KCNIP4: variants seen among roughly 807,000 people sequenced by gnomAD.
KCNIP4 encodes the protein potassium voltage-gated channel interacting protein 4, also known as Kv channel-interacting protein 4.
A neutral mutation model predicts 34.0 loss-of-function variants in KCNIP4; 12 were observed. The observed-to-expected ratio is 0.35, with a 90% CI of 0.23 to 0.57. The LOEUF (loss-of-function observed/expected upper bound fraction) is 0.57, where lower values mean the gene tolerates loss of function less well. Ranked by LOEUF, KCNIP4 falls within the 20% of genes least tolerant of loss-of-function variation. The probability of loss-of-function intolerance (pLI) is 0.83; values close to 1 mark genes in which losing one functional copy is unlikely to be tolerated. For synonymous variants in KCNIP4, 124 were observed against 102.2 expected, an observed-to-expected ratio of 1.21 and a Z score of -1.29; for missense variants, 238 against 311.7, an observed-to-expected ratio of 0.76 and a Z score of 1.78.
At chr4:20,913,249 AAAAAT>A (rs1337412541) in intron 1 of KCNIP4, among the ~76,000 whole-genome samples, 1 of 152,152 alleles carries the variant, frequency 6.6e-6, no homozygotes, top group African/African-American at 2.4e-5. Flanking sequence ...CAAAAAAATA[AAAAAT>A]AAAATAAAAT....
intron 1 of KCNIP4, among the ~76,000 whole-genome samples, chr4:21,653,031 T>C (rs1386744856): frequency 6.6e-6 from 1 of 152,210 alleles, no homozygotes; most frequent in East Asian, 1.9e-4. Flanking sequence ...AAAATGTAAA[T>C]GTGGCTACAG....
intron 1 of KCNIP4, among the ~76,000 whole-genome samples, chr4:21,234,260 A>T (rs1382925375): frequency 2.5e-5 from 3 of 119,920 alleles, no homozygotes; most frequent in Admixed American, 9.8e-5. Context: ...ATTATATATA[A>T]CATATATAAC....
intron 1 of KCNIP4, among the ~76,000 whole-genome samples, chr4:21,678,763 T>C (rs545822265): frequency 1.1e-4 from 16 of 152,318 alleles, no homozygotes; most frequent in African/African-American, 2.9e-4. Flanking sequence ...ATAGTCTATC[T>C]TGACTACTCT....
intron 1 of KCNIP4, among the ~76,000 whole-genome samples, chr4:21,191,020 T>C (rs1755606364): frequency 6.6e-6 from 1 of 152,230 alleles, no homozygotes; most frequent in African/African-American, 2.4e-5. Flanking sequence ...TTGAAAATAA[T>C]AGCATTACAC....
chr4:21,696,227 T>A (rs1323259736), intron 1 of KCNIP4, among the ~76,000 whole-genome samples: 5 of 152,142 alleles, frequency 3.3e-5, no homozygotes, highest in African/African-American at 1.2e-4. Flanking sequence ...TTTCCCTTAT[T>A]ACACTAACAT....
chr4:21,772,735 G>T (rs1718885148), intron 1 of KCNIP4, among the ~76,000 whole-genome samples: 1 of 152,012 alleles, frequency 6.6e-6, no homozygotes, highest in Admixed American at 6.6e-5. Flanking sequence ...TTCTCTGATG[G>T]TGCTTTGTAT....
intron 1 of KCNIP4, among the ~76,000 whole-genome samples, chr4:21,226,346 G>A (rs1285506879): frequency 2.7e-5 from 3 of 110,020 alleles, no homozygotes; most frequent in African/African-American, 2.1e-4. Context: ...GGAAGGAAGA[G>A]AAGGAAGAGA....
intron 1 of KCNIP4, among the ~76,000 whole-genome samples, chr4:21,109,090 T>A (rs1437022310): frequency 2.0e-5 from 3 of 152,116 alleles, no homozygotes; most frequent in African/African-American, 7.2e-5. Flanking sequence ...CGTTCTCAGA[T>A]CTCCAGCTGC....
intron 1 of KCNIP4, among the ~76,000 whole-genome samples, chr4:21,691,529 G>T (rs182217834): frequency 1.5e-3 from 227 of 152,112 alleles, no homozygotes; most frequent in Non-Finnish European, 2.6e-3. Flanking sequence ...AAACAGAACT[G>T]ATACAGATCA....
chr4:21,117,840 G>T (rs1358634534), intron 1 of KCNIP4, among the ~76,000 whole-genome samples: 1 of 152,118 alleles, frequency 6.6e-6, no homozygotes, highest in Non-Finnish European at 1.5e-5. Context: ...TTAGCACTCA[G>T]AGTAGGCAAT....
At chr4:21,688,908 C>G (rs1224526106) in intron 1 of KCNIP4, among the ~76,000 whole-genome samples, 1 of 151,910 alleles carries the variant, frequency 6.6e-6, no homozygotes, top group Non-Finnish European at 1.5e-5. Context: ...TTTTACAGTC[C>G]CGTTGCTTCA....
intron 1 of KCNIP4, among the ~76,000 whole-genome samples, chr4:21,750,390 G>A (rs1717075628): frequency 6.6e-6 from 1 of 152,084 alleles, no homozygotes; most frequent in Non-Finnish European, 1.5e-5. Flanking sequence ...AAAGTCTACG[G>A]TAAGAACACA....
intron 3 of KCNIP4, among the ~76,000 whole-genome samples, chr4:20,827,666 T>C (rs866973257): frequency 7.9e-5 from 12 of 152,100 alleles, no homozygotes; most frequent in African/African-American, 2.7e-4. Flanking sequence ...GATTCATTGG[T>C]CAGTATTCTG....
intron 1 of KCNIP4, among the ~76,000 whole-genome samples, chr4:21,255,621 C>G (rs1761009459): frequency 6.7e-6 from 1 of 150,064 alleles, no homozygotes; most frequent in Non-Finnish European, 1.5e-5. Context: ...ACTTTTCTGA[C>G]CCTTAGTATC....
In KCNIP4 at chr4:20,734,119, G is replaced by A. The variant is rs76015249; in HGVS notation, c.537+509C>T. 6.4e-3 allele frequency among the ~76,000 whole-genome samples: 973 copies of A among 152,290 alleles called. 3 individuals are homozygous for A. The highest frequency in any genetic ancestry group is 0.01 in the Non-Finnish European group (707 of 68,036). ...TCCATCCCTTTCTTTACTTCTCGCT[G>A]TGTTTTAAATTGGTTTAATAAACTG... On this transcript the variant is annotated intron_variant, in intron 6 of 8. Transcript: ENST00000382152.
chr4:21,519,394 AC>A (rs1735092167), intron 1 of KCNIP4, among the ~76,000 whole-genome samples: 1 of 135,374 alleles, frequency 7.4e-6, no homozygotes, highest in African/African-American at 2.8e-5. Flanking sequence ...GTGTATATAT[AC>A]ATATGTGTGT....
intron 1 of KCNIP4, among the ~76,000 whole-genome samples, chr4:20,957,051 A>G (rs1331318338): frequency 6.6e-6 from 1 of 152,230 alleles, no homozygotes; most frequent in East Asian, 1.9e-4. Flanking sequence ...AAGAAAGAAT[A>G]GAAAAAGAAA....
chr4:20,815,087 C>G (rs920426821), intron 3 of KCNIP4, among the ~76,000 whole-genome samples: 6 of 152,166 alleles, frequency 3.9e-5, no homozygotes, highest in African/African-American at 1.4e-4. Context: ...ATTGCTACTA[C>G]TGGCTGATCA....
At chr4:20,794,619 T>C (rs1713206814) in intron 3 of KCNIP4, among the ~76,000 whole-genome samples, 2 of 152,222 alleles carry the variant, frequency 1.3e-5, no homozygotes, top group East Asian at 3.9e-4. Context: ...AAAGTTAGGA[T>C]ACTGAATAAC....
Sources: allele counts gnomAD v4.1 joint callset (sites outside exome capture counted in the v4.1 genomes callset), GRCh38; gene constraint gnomAD v4.1.1; transcripts MANE v1.5; gene names NCBI Gene and HGNC (gene_info 2026-07-23, HGNC 2026-07-21).